Variants in OR1B1 observed in about 807,000 individuals in gnomAD.
OR1B1 encodes the protein olfactory receptor family 1 subfamily B member 1.
For missense variants in OR1B1, 414 were observed against 402.1 expected (o/e 1.03, Z -0.25); for synonymous variants, 168 against 156.2 (o/e 1.08, Z -0.57).
chr9:122,656,961 AT>A, the OR1B1 span, among the ~76,000 whole-genome samples: 1 of 152,020 alleles, frequency 6.6e-6, no homozygotes, highest in Non-Finnish European at 1.5e-5. Flanking sequence ...GGTCCAACTG[AT>A]TTTTTTCTTT....
At chr9:122,646,340 A>G in the OR1B1 span, among the ~76,000 whole-genome samples, 7 of 152,126 alleles carry the variant, frequency 4.6e-5, no homozygotes, top group African/African-American at 1.7e-4. Context: ...ATAAGTCCCC[A>G]CATATCAATA....
At chr9:122,640,223 A>G in the OR1B1 span, among the ~76,000 whole-genome samples, 4 of 152,110 alleles carry the variant, frequency 2.6e-5, no homozygotes, top group Admixed American at 2.6e-4. Flanking sequence ...AATCTCTATA[A>G]TACTATAAAA....
At chr9:122,655,685 T>C in the OR1B1 span, among the ~76,000 whole-genome samples, 35 of 106,946 alleles carry the variant, frequency 3.3e-4, no homozygotes, top group Admixed American at 6.2e-4. Context: ...CTGGGGCCTG[T>C]TGGGGGTTGG....
the OR1B1 span, chr9:122,637,139 G>A: frequency 6.6e-6 from 1 of 152,168 alleles, no homozygotes; most frequent in East Asian, 1.9e-4. Flanking sequence ...CTGCATTAGG[G>A]AAAGAGGGAT....
chr9:122,638,064 G>C, the OR1B1 span, among the ~76,000 whole-genome samples: 9 of 152,232 alleles, frequency 5.9e-5, no homozygotes, highest in African/African-American at 2.2e-4. Flanking sequence ...GGAAAGGCCC[G>C]TTGCAAAATG....
chr9:122,635,533 A>G, the OR1B1 span, among the ~76,000 whole-genome samples: 74 of 152,332 alleles, frequency 4.9e-4, no homozygotes, highest in African/African-American at 1.8e-3. Context: ...TGTTCTTACC[A>G]CAAAAAAATA....
the OR1B1 span, among the ~76,000 whole-genome samples, chr9:122,645,210 T>C: frequency 6.6e-6 from 1 of 151,992 alleles, no homozygotes; most frequent in African/African-American, 2.4e-5. Context: ...ACTGGTGAGC[T>C]TGAAGATATG....
exon 1 of OR1B1, chr9:122,629,452 G>A: frequency 1.9e-6 from 3 of 1,613,374 alleles, no homozygotes; most frequent in Non-Finnish European, 2.5e-6. Flanking sequence ...GGAAGAAGAG[G>A]AGAGTGTAGG....
At chr9:122,654,522 T>TGG in the OR1B1 span, among the ~76,000 whole-genome samples, 2 of 152,218 alleles carry the variant, frequency 1.3e-5, no homozygotes, top group Admixed American at 1.3e-4. Context: ...TCTGAAGATA[T>TGG]ACCAAATTTC....
the OR1B1 span, among the ~76,000 whole-genome samples, chr9:122,640,794 G>T: frequency 1.2e-4 from 18 of 152,126 alleles, no homozygotes; most frequent in African/African-American, 4.3e-4. Context: ...ATTTTGGCTA[G>T]ATTAAGTACA....
At chr9:122,638,085 A>G in the OR1B1 span, among the ~76,000 whole-genome samples, 2 of 152,250 alleles carry the variant, frequency 1.3e-5, no homozygotes, top group South Asian at 2.1e-4. Context: ...ATAGAAAAGT[A>G]TAACAACAGA....
the OR1B1 span, among the ~76,000 whole-genome samples, chr9:122,656,958 C>A: frequency 1.3e-5 from 2 of 152,078 alleles, no homozygotes; most frequent in Non-Finnish European, 2.9e-5. Flanking sequence ...AGGGGTCCAA[C>A]TGATTTTTTT....
At chr9:122,655,399 C>T in the OR1B1 span, among the ~76,000 whole-genome samples, 3 of 152,102 alleles carry the variant, frequency 2.0e-5, no homozygotes, top group Admixed American at 2.0e-4. Context: ...TACTTTTACA[C>T]ATAAAATGAC....
chr9:122,639,510 T>C, the OR1B1 span: 1 of 152,060 alleles, frequency 6.6e-6, no homozygotes. Context: ...AAAGCATGGG[T>C]CTAAGCTTAT....
At chr9:122,635,573 A>C in the OR1B1 span, among the ~76,000 whole-genome samples, 1 of 152,198 alleles carries the variant, frequency 6.6e-6, no homozygotes. Flanking sequence ...GGATATGTTA[A>C]TTTGCTTGAC....
upstream of OR1B1, among the ~76,000 whole-genome samples, chr9:122,633,484 A>C (rs891429877): frequency 1.3e-5 from 2 of 152,238 alleles, no homozygotes; most frequent in Non-Finnish European, 1.5e-5. Context: ...TTTGCACAGC[A>C]AAGGAAATAA....
At chr9:122,647,374 T>C in the OR1B1 span, among the ~76,000 whole-genome samples, 2 of 151,828 alleles carry the variant, frequency 1.3e-5, no homozygotes, top group South Asian at 4.2e-4. Context: ...AAACACAACA[T>C]ACCAAAACCT....
At chr9:122,641,602 C>T in the OR1B1 span, among the ~76,000 whole-genome samples, 1 of 152,164 alleles carries the variant, frequency 6.6e-6, no homozygotes, top group East Asian at 1.9e-4. Context: ...TGCTGGTTCC[C>T]AGGGAGTGGG....
At chr9:122,646,943 G>C in the OR1B1 span, among the ~76,000 whole-genome samples, 1 of 152,136 alleles carries the variant, frequency 6.6e-6, no homozygotes, top group Non-Finnish European at 1.5e-5. Flanking sequence ...AAAGTGTAGA[G>C]TTTTTATTCG....
Sources: gnomAD v4.1 joint callset for allele counts (sites outside exome capture counted in the v4.1 genomes callset) on GRCh38, gnomAD v4.1.1 for gene constraint, MANE v1.5 for transcripts, NCBI Gene and HGNC (gene_info 2026-07-23, HGNC 2026-07-21) for gene names.